Variants in CEP70 observed in about 807,000 individuals in gnomAD.
CEP70 encodes the protein centrosomal protein 70.
In CEP70, 70 loss-of-function variants were observed where a neutral mutation model predicts 90.9. The ratio of observed to expected loss-of-function variants is 0.77; its 90% CI spans 0.64 to 0.94. The LOEUF (loss-of-function observed/expected upper bound fraction) is 0.94, where lower values mean the gene tolerates loss of function less well. Ranked by LOEUF, CEP70 falls within the 40% of genes least tolerant of loss-of-function variation. The probability of loss-of-function intolerance (pLI) is 0.00; values close to 1 mark genes in which losing one functional copy is unlikely to be tolerated. For synonymous variants in CEP70, 220 were observed against 228.3 expected (o/e 0.96, Z 0.33); for missense variants, 648 against 669.0 (o/e 0.97, Z 0.35).
intron 11 of CEP70, among the ~76,000 whole-genome samples, chr3:138,513,226 C>T (rs959978349): frequency 1.3e-5 from 2 of 152,158 alleles, no homozygotes; most frequent in Non-Finnish European, 2.9e-5. Flanking sequence ...GTCAAGGACA[C>T]GCCACCTCCT....
At chr3:138,568,542 T>G (rs902346409) in intron 6 of CEP70, among the ~76,000 whole-genome samples, 1 of 152,132 alleles carries the variant, frequency 6.6e-6, no homozygotes, top group Non-Finnish European at 1.5e-5. Context: ...AATAAGTCAA[T>G]GATTTAAAGA....
chr3:138,513,840 G>A (rs2035755637), intron 11 of CEP70, among the ~76,000 whole-genome samples: 1 of 151,938 alleles, frequency 6.6e-6, no homozygotes, highest in Admixed American at 6.6e-5. Context: ...TTCCTAAGAA[G>A]GAAATTTTAT....
chr3:138,573,650 A>G, intron 2 of CEP70, among the ~76,000 whole-genome samples: 1 of 152,240 alleles, frequency 6.6e-6, no homozygotes, highest in Non-Finnish European at 1.5e-5. Flanking sequence ...GTAGAAAAAA[A>G]TAGAGCAAAA....
At chr3:138,568,784 G>C (rs2040957033) in intron 6 of CEP70, among the ~76,000 whole-genome samples, 1 of 151,838 alleles carries the variant, frequency 6.6e-6, no homozygotes, top group Admixed American at 6.6e-5. Context: ...TTCAAGACCA[G>C]CCTAGCCAAG....
intron 6 of CEP70, among the ~76,000 whole-genome samples, chr3:138,561,031 C>G (rs760617944): frequency 6.6e-6 from 1 of 152,048 alleles, no homozygotes; most frequent in South Asian, 2.1e-4. Context: ...TCAGAGCGTT[C>G]GAGCTCTGCT....
chr3:138,530,944 G>T, intron 8 of CEP70: 1 of 552,442 alleles, frequency 1.8e-6, no homozygotes, highest in Non-Finnish European at 2.3e-6. Context: ...TCCCTCCTTA[G>T]GAGAGAGACT....
chr3:138,508,880 CCCG>C (rs1576552672), intron 11 of CEP70, among the ~76,000 whole-genome samples: 2 of 152,070 alleles, frequency 1.3e-5, no homozygotes, highest in South Asian at 4.2e-4. Context: ...ACTACAGGCG[CCCG>C]CCACCATGCC....
chr3:138,555,526 A>G (rs964831144), intron 6 of CEP70, among the ~76,000 whole-genome samples: 1 of 152,180 alleles, frequency 6.6e-6, no homozygotes, highest in African/African-American at 2.4e-5. Flanking sequence ...CCGACAAAGG[A>G]CTAATATCCA....
chr3:138,572,854 T>C lies in CEP70; in HGVS notation c.69+5A>G, dbSNP rs2041270705. On this transcript the variant is annotated splice_donor_5th_base_variant and intron_variant, in intron 3 of 17. Coordinates refer to ENST00000264982, the MANE Select transcript of CEP70 (RefSeq NM_024491.4). ...AAGCAGTGTCTTAAAATATTTTAAGTTTACCTGTTTTTCAGTCATGAGTCT... is the reference window on the plus strand; with the variant it reads ...AAGCAGTGTCTTAAAATATTTTAAGCTTACCTGTTTTTCAGTCATGAGTCT... 6.4e-7 allele frequency: 1 copy of C among 1,573,162 alleles called. No homozygotes were observed. The highest frequency in any genetic ancestry group is 1.4e-5 in the African/African-American group (1 of 74,006).
At chr3:138,547,601 C>A (rs149238548) in intron 6 of CEP70, among the ~76,000 whole-genome samples, 2 of 152,212 alleles carry the variant, frequency 1.3e-5, no homozygotes, top group Non-Finnish European at 2.9e-5. Flanking sequence ...AAAGGAAGTA[C>A]TTCACAGCTT....
intron 6 of CEP70, among the ~76,000 whole-genome samples, chr3:138,547,013 ATGAAATGAAAT>A (rs1352263484): frequency 1.3e-5 from 2 of 152,204 alleles, no homozygotes; most frequent in African/African-American, 4.8e-5. Flanking sequence ...GAAAAATGAA[ATGAAATGAAAT>A]TGAAATGAAA....
Position 138,494,375 on chromosome 3 carries a change from G to GA in CEP70, c.*639dup, listed in dbSNP as rs2033845803. Reference sequence around the variant, plus strand: ...AATTCTTTACAGAAATTTTATTTGAGATCTCAAGTCCTTATAAAAAGTGCA... The same window carrying GA: ...AATTCTTTACAGAAATTTTATTTGAGAATCTCAAGTCCTTATAAAAAGTGCA... On this transcript the variant is annotated 3_prime_UTR_variant, in exon 18 of 18. Coordinates refer to ENST00000264982, the MANE Select transcript of CEP70 (RefSeq NM_024491.4). 1 of 152,158 alleles carries GA rather than the reference G, an allele frequency of 6.6e-6. No homozygotes were observed. The highest frequency in any genetic ancestry group is 1.5e-5 in the Non-Finnish European group (1 of 68,028). The allele number at this position is 152,158 out of a possible 1,614,324, so 9.4% of individuals were successfully genotyped here.
intron 6 of CEP70, among the ~76,000 whole-genome samples, chr3:138,557,248 C>T (rs1197020239): frequency 1.3e-5 from 2 of 152,200 alleles, no homozygotes; most frequent in Non-Finnish European, 1.5e-5. Flanking sequence ...ATTCCCTGAA[C>T]ATTGCTGTTA....
At chr3:138,559,759 A>G (rs2040266489) in intron 6 of CEP70, among the ~76,000 whole-genome samples, 1 of 152,182 alleles carries the variant, frequency 6.6e-6, no homozygotes, top group Admixed American at 6.5e-5. Flanking sequence ...AACAAGGAGA[A>G]AAATATTAAA....
chr3:138,550,005 A>G (rs2039501535), intron 6 of CEP70, among the ~76,000 whole-genome samples: 1 of 152,162 alleles, frequency 6.6e-6, no homozygotes, highest in South Asian at 2.1e-4. Flanking sequence ...ACATCCCTGG[A>G]AAAAGGGAGA....
intron 6 of CEP70, among the ~76,000 whole-genome samples, chr3:138,540,063 C>T (rs1352330395): frequency 1.3e-5 from 2 of 152,156 alleles, no homozygotes; most frequent in Non-Finnish European, 2.9e-5. Context: ...AACTATGCAT[C>T]CGACAAAGGT....
At chr3:138,508,676 C>T (rs545359944) in intron 11 of CEP70, 132 bp from the exon 12 acceptor site, 36 of 651,582 alleles carry the variant, frequency 5.5e-5, no homozygotes, top group Non-Finnish European at 8.8e-5. Context: ...TGTGTGTGCA[C>T]ACATGTATGT....
intron 11 of CEP70, among the ~76,000 whole-genome samples, chr3:138,513,276 C>A (rs2035696098): frequency 6.6e-6 from 1 of 152,176 alleles, no homozygotes; most frequent in Non-Finnish European, 1.5e-5. Flanking sequence ...TACTGTTATT[C>A]TAGTGCCTTG....
At position 138,570,637 on chromosome 3, in the gene CEP70, T is replaced by C. The variant is rs943976644; in HGVS notation, c.285-139A>G. ...CCAAAATGCTTGGAACCAGAAGTGA[T>C]TCATATTTCAGATTTTTTCAGATTT... is the stretch of plus-strand genomic sequence containing the variant. On this transcript the variant is annotated intron_variant, in intron 5 of 17. Coordinates refer to ENST00000264982, the MANE Select transcript of CEP70 (RefSeq NM_024491.4). 9.1e-6 allele frequency: 6 copies of C among 656,212 alleles called. No homozygotes were observed. The Admixed American group carries it at 1.5e-4, about 17-fold the overall frequency. The allele number at this position is 656,212 out of a possible 1,614,324, so 40.6% of individuals were successfully genotyped here.
Sources: allele counts gnomAD v4.1 joint callset (sites outside exome capture counted in the v4.1 genomes callset), GRCh38; gene constraint gnomAD v4.1.1; transcripts MANE v1.5; gene names NCBI Gene and HGNC (gene_info 2026-07-23, HGNC 2026-07-21).